FRMPD3: variants seen among roughly 807,000 people sequenced by gnomAD.
The protein encoded by FRMPD3 is FERM and PDZ domain containing 3, also known as FERM and PDZ domain-containing protein 3.
FRMPD3 carries 42 observed loss-of-function variants against 97.9 expected under a neutral mutation model. That is an observed-to-expected ratio of 0.43 (90% CI 0.34 to 0.55). FRMPD3 has a LOEUF of 0.55. FRMPD3 is among the 20% of genes least tolerant of loss of function. The pLI, the probability that FRMPD3 is intolerant of heterozygous loss-of-function variation, is 0.03. For synonymous variants in FRMPD3, 577 were observed against 581.1 expected (o/e 0.99, Z 0.10); for missense variants, 1,303 against 1,457.7 (o/e 0.89, Z 1.73).
At chrX:107,551,405 T>C (rs1441584058) in intron 6 of FRMPD3, among the ~76,000 whole-genome samples, 1 of 112,102 alleles carries the variant, frequency 8.9e-6, no homozygotes, top group African/African-American at 3.2e-5. Context: ...TGTGTCAGAA[T>C]CCTCCTTGGT....
chrX:107,568,914 A>G (rs1256639310), intron 12 of FRMPD3, among the ~76,000 whole-genome samples: 1 of 88,322 alleles, frequency 1.1e-5, no homozygotes, highest in Non-Finnish European at 1.9e-5. Context: ...AAAGAGAGAG[A>G]GAGAGAGAGA....
chrX:107,450,562 C>CCACACACACACACACA (rs561898459), intron 1 of FRMPD3, among the ~76,000 whole-genome samples: 2 of 84,304 alleles, frequency 2.4e-5, no homozygotes, highest in African/African-American at 1.1e-4. Context: ...CATGCAAAGA[C>CCACACACACACACACA]CACACACACA....
chrX:107,584,761 T>C (rs1363569403), intron 13 of FRMPD3, among the ~76,000 whole-genome samples: 1 of 111,794 alleles, frequency 8.9e-6, no homozygotes, highest in African/African-American at 3.3e-5. Flanking sequence ...TGTAGATGTG[T>C]GGTGTTATTT....
chrX:107,496,772 A>T (rs887493904), intron 1 of FRMPD3, among the ~76,000 whole-genome samples: 1 of 111,784 alleles, frequency 8.9e-6, no homozygotes, highest in African/African-American at 3.3e-5. Context: ...TGAAGACTCA[A>T]CAAAGCTGTT....
At chrX:107,500,356 A>C (rs1425390627) in intron 1 of FRMPD3, among the ~76,000 whole-genome samples, 1 of 112,545 alleles carries the variant, frequency 8.9e-6, no homozygotes, top group East Asian at 2.8e-4. Context: ...GAGGATTTTA[A>C]AGTGTTAACA....
chrX:107,591,748 T>TTTTTG (rs777036620), intron 13 of FRMPD3, among the ~76,000 whole-genome samples: 5 of 111,558 alleles, frequency 4.5e-5, no homozygotes, highest in Non-Finnish European at 9.4e-5. Flanking sequence ...TTTGCCTTTA[T>TTTTTG]TTTTGTTTTG....
intron 1 of FRMPD3, among the ~76,000 whole-genome samples, chrX:107,483,682 G>A (rs900329077): frequency 8.1e-5 from 9 of 111,749 alleles, no homozygotes; most frequent in African/African-American, 2.9e-4. Context: ...CTGTCTGTCT[G>A]CATCGTGACT....
At chrX:107,472,097 C>T (rs1921078326) in intron 1 of FRMPD3, among the ~76,000 whole-genome samples, 1 of 112,094 alleles carries the variant, frequency 8.9e-6, no homozygotes, top group Non-Finnish European at 1.9e-5. Flanking sequence ...TAAATGTCTT[C>T]CTTTGAAAAG....
intron 1 of FRMPD3, among the ~76,000 whole-genome samples, chrX:107,511,747 C>T (rs1341393135): frequency 8.9e-6 from 1 of 112,570 alleles, no homozygotes; most frequent in African/African-American, 3.2e-5. Flanking sequence ...CTGCCCACAC[C>T]TGCTCCCCCT....
intron 1 of FRMPD3, chrX:107,522,562 C>T: frequency 2.1e-6 from 1 of 470,627 alleles, no homozygotes; most frequent in Non-Finnish European, 3.7e-6. Context: ...CACCAATGTG[C>T]TTAGCCACTG....
intron 1 of FRMPD3, among the ~76,000 whole-genome samples, chrX:107,475,831 C>T (rs187632221): frequency 1.4e-4 from 16 of 112,552 alleles, no homozygotes; most frequent in African/African-American, 4.8e-4. Flanking sequence ...AGTGGTTTAT[C>T]ATTTCTGAGC....
chrX:107,530,089 C>CA (rs915630900), intron 2 of FRMPD3, among the ~76,000 whole-genome samples: 1 of 112,276 alleles, frequency 8.9e-6, no homozygotes, highest in Non-Finnish European at 1.9e-5. Flanking sequence ...TTTGGAACAG[C>CA]ATCCTCTAAC....
intron 1 of FRMPD3, among the ~76,000 whole-genome samples, chrX:107,488,911 T>C (rs1421282435): frequency 9.2e-6 from 1 of 108,784 alleles, no homozygotes; most frequent in Non-Finnish European, 1.9e-5. Flanking sequence ...TGTATACATG[T>C]GCCATGTTGG....
chrX:107,485,926 G>A (rs918787662), intron 1 of FRMPD3, among the ~76,000 whole-genome samples: 1 of 111,882 alleles, frequency 8.9e-6, no homozygotes, highest in Non-Finnish European at 1.9e-5. Flanking sequence ...TCAGGCACCA[G>A]CCTATAAAAA....
chrX:107,560,128 T>G, intron 8 of FRMPD3, 129 bp from the exon 9 acceptor site: 1 of 805,566 alleles, frequency 1.2e-6, no homozygotes, highest in Non-Finnish European at 1.8e-6. Context: ...GGGAGCTCCT[T>G]CCTCTGTCCC....
chrX:107,561,901 T>C (rs1451086815), intron 10 of FRMPD3, among the ~76,000 whole-genome samples: 2 of 112,203 alleles, frequency 1.8e-5, no homozygotes, highest in Non-Finnish European at 3.8e-5. Flanking sequence ...GTTGGAAATA[T>C]GAAGATGAAG....
intron 1 of FRMPD3, among the ~76,000 whole-genome samples, chrX:107,506,757 T>G (rs1922038778): frequency 8.9e-6 from 1 of 112,044 alleles, no homozygotes; most frequent in African/African-American, 3.2e-5. Context: ...ACGCCGTGTT[T>G]ACAGCTCTCT....
chrX:107,545,268 C>G (rs1350681187), intron 4 of FRMPD3: 1 of 111,712 alleles, frequency 9.0e-6, no homozygotes, highest in African/African-American at 3.3e-5. Context: ...TCCTTTCTCC[C>G]ACATCTAAAA....
At chrX:107,526,505 C>G in intron 1 of FRMPD3, 77 bp from the exon 2 acceptor site, 1 of 975,437 alleles carries the variant, frequency 1.0e-6, no homozygotes, top group Admixed American at 2.7e-5. Context: ...AGAACCCTAA[C>G]TGGCATCTCT....
Sources: allele counts gnomAD v4.1 joint callset (sites outside exome capture counted in the v4.1 genomes callset), GRCh38; gene constraint gnomAD v4.1.1; transcripts MANE v1.5; gene names NCBI Gene and HGNC (gene_info 2026-07-23, HGNC 2026-07-21).